The following GCSAM variants were observed in gnomAD, a reference collection of about 807,000 sequenced individuals.
GCSAM encodes the protein germinal center-associated signaling and motility protein.
A neutral mutation model predicts 17.6 loss-of-function variants in GCSAM; 8 were observed. That is an observed-to-expected ratio of 0.46 (90% CI 0.27 to 0.82). The LOEUF is 0.82. GCSAM is among the 40% of genes least tolerant of loss of function. GCSAM has a pLI of 0.15. For synonymous variants in GCSAM, 68 were observed against 69.0 expected (o/e 0.98, Z 0.07); for missense variants, 192 against 213.5 (o/e 0.90, Z 0.63).
intron 1 of GCSAM, 28 bp downstream of exon 1, chr3:112,133,064 T>G (rs768935212): frequency 3.7e-6 from 6 of 1,610,946 alleles, no homozygotes; most frequent in Non-Finnish European, 5.1e-6. Flanking sequence ...CCATCTCCTC[T>G]GCTCTCCCAC....
rs2074228074 is a variant in GCSAM at position 112,122,968 on chromosome 3, T to A, written c.*487A>T. On this transcript the variant is annotated 3_prime_UTR_variant, in exon 6 of 6. Coordinates refer to ENST00000308910, the MANE Select transcript of GCSAM (RefSeq NM_152785.5). ...AGGACACTATGTAAAAGACATGACT[T>A]AGACACATGGAGTGAGAGGAGCAAC... is the stretch of plus-strand genomic sequence containing the variant. The A allele has an allele frequency of 5.9e-6, 1 of 170,334 alleles. No homozygotes were observed. Among genetic ancestry groups the A allele is most frequent in the South Asian group, 1.5e-4 (1 of 6,778 alleles). 10.6% of individuals were successfully genotyped at this position (170,334 alleles called of 1,614,324 possible).
chr3:112,133,122 C>T lies in GCSAM; in HGVS notation c.-2G>A. ...TTCTCTCAGCAGAGAATTTCCCATC[C>T]TCTCAGTCCTCTCAGGGCTTCCCCT... On this transcript the variant is annotated 5_prime_UTR_variant, in exon 1 of 6. Coordinates refer to ENST00000308910, the MANE Select transcript of GCSAM (RefSeq NM_152785.5). The T allele has an allele frequency of 6.2e-7, 1 of 1,613,846 alleles. No individual in the cohort carries two copies. The highest frequency in any genetic ancestry group is 8.5e-7 in the Non-Finnish European group (1 of 1,179,692).
At chr3:112,123,874 A>G (rs1380770508) in intron 5 of GCSAM, 102 bp from the exon 6 acceptor site, 7 of 1,225,108 alleles carry the variant, frequency 5.7e-6, no homozygotes, top group Middle Eastern at 2.6e-4. Context: ...TCTGTCTTCT[A>G]TGACCACCTC....
rs189956318 is a variant in GCSAM, at chr3:112,131,887, G to A, written c.29+1205C>T. 2.4e-3 allele frequency among the ~76,000 whole-genome samples: 358 copies of A among 152,138 alleles called. 11 individuals carry two copies. The South Asian group carries it at 0.033, about 14-fold the overall frequency. On this transcript the variant is annotated intron_variant, in intron 1 of 5. Transcript: ENST00000308910. Reference sequence around the variant, plus strand: ...TAAAATAAATAAAAAACCATAAGAAGTCCAAATAGCATAAGATGTGTGCAC... The same window carrying A: ...TAAAATAAATAAAAAACCATAAGAAATCCAAATAGCATAAGATGTGTGCAC...
intron 1 of GCSAM, among the ~76,000 whole-genome samples, chr3:112,132,280 C>T (rs920463868): frequency 6.6e-6 from 1 of 152,048 alleles, no homozygotes; most frequent in East Asian, 1.9e-4. Flanking sequence ...GTGTTCCACT[C>T]TCCAGTAGCA....
At chr3:112,130,303 T>C in intron 2 of GCSAM, 142 bp downstream of exon 2, 1 of 722,338 alleles carries the variant, frequency 1.4e-6, no homozygotes. Context: ...TTATCTTTTG[T>C]CCTGTCTTCA....
rs1034211550 is a variant in GCSAM at position 112,123,145 on chromosome 3, G to C, written c.*310C>G. The C allele has an allele frequency of 2.8e-6, 1 of 356,352 alleles. No individual in the cohort carries two copies. Among genetic ancestry groups the C allele is most frequent in the African/African-American group, 2.1e-5 (1 of 48,292 alleles). 22.1% of individuals were successfully genotyped at this position (356,352 alleles called of 1,614,324 possible). A position where few individuals can be genotyped will look rare whatever the true frequency, so the allele number is the denominator to read the frequency against. Reference sequence around the variant, plus strand: ...TAAGAAGATCCCAGACAGAAGAGCAGAGCCCCTTGTGGTGTGCATAGCTTT... The same window carrying C: ...TAAGAAGATCCCAGACAGAAGAGCACAGCCCCTTGTGGTGTGCATAGCTTT... On this transcript the variant is annotated 3_prime_UTR_variant, in exon 6 of 6. Transcript: ENST00000308910.
rs938558414 is a variant in GCSAM, at chr3:112,122,635, C to T, written c.*820G>A. ...ATATTGCAGAGGGCTTTCTATTTAGCATACTGGGGGAGCACTAAATTGGAA... is the reference window on the plus strand; with the variant it reads ...ATATTGCAGAGGGCTTTCTATTTAGTATACTGGGGGAGCACTAAATTGGAA... On this transcript the variant is annotated 3_prime_UTR_variant, in exon 6 of 6. Coordinates refer to ENST00000308910, the MANE Select transcript of GCSAM (RefSeq NM_152785.5). The T allele has an allele frequency of 2.0e-5, 3 of 151,992 alleles. No homozygotes were observed. The highest frequency in any genetic ancestry group is 4.4e-5 in the Non-Finnish European group (3 of 68,004). 9.4% of individuals were successfully genotyped at this position (151,992 alleles called of 1,614,324 possible). A position where few individuals can be genotyped will look rare whatever the true frequency, so the allele number is the denominator to read the frequency against.
At position 112,123,351 on chromosome 3, in the gene GCSAM, G is replaced by C; in HGVS notation, c.*104C>G. On this transcript the variant is annotated 3_prime_UTR_variant, in exon 6 of 6. Transcript: ENST00000308910. ...GCTCTGCAGGGAAAGGGTTGTTGTG[G>C]GAGATAAGCTGGAGGGACTTTGTGT... The C allele has an allele frequency of 6.6e-7, 1 of 1,525,954 alleles. No homozygotes were observed. Among genetic ancestry groups the C allele is most frequent in the Non-Finnish European group, 8.8e-7 (1 of 1,140,328 alleles). The allele number at this position is 1,525,954 out of a possible 1,614,324, so 94.5% of individuals were successfully genotyped here.
chr3:112,128,183 C>T (rs745328826), intron 2 of GCSAM, 122 bp from the exon 3 acceptor site: 6 of 806,500 alleles, frequency 7.4e-6, no homozygotes, highest in South Asian at 5.7e-5. Context: ...GTGTTTCATT[C>T]TAGATAACTT....
In GCSAM at chr3:112,123,204, T is replaced by C. The variant is rs935792118; in HGVS notation, c.*251A>G. 1.7e-6 allele frequency: 1 copy of C among 595,722 alleles called. No homozygotes were observed. The highest frequency in any genetic ancestry group is 2.8e-6 in the Non-Finnish European group (1 of 355,420). The allele number at this position is 595,722 out of a possible 1,614,324, so 36.9% of individuals were successfully genotyped here. A position where few individuals can be genotyped will look rare whatever the true frequency, so the allele number is the denominator to read the frequency against. Reference sequence around the variant, plus strand: ...CAGGGAGCCCCTCCTACCACTATACTCTCCAAACCATGTAGAACCAAAGAT... The same window carrying C: ...CAGGGAGCCCCTCCTACCACTATACCCTCCAAACCATGTAGAACCAAAGAT... On this transcript the variant is annotated 3_prime_UTR_variant, in exon 6 of 6. Coordinates refer to ENST00000308910, the MANE Select transcript of GCSAM (RefSeq NM_152785.5).
rs942152589 is a variant in GCSAM, at chr3:112,130,519, A to G, written c.30-6T>C. 8.7e-6 allele frequency: 14 copies of G among 1,613,270 alleles called. No individual in the cohort carries two copies. Among genetic ancestry groups the G allele is most frequent in the South Asian group, 3.3e-5 (3 of 91,070 alleles). On this transcript the variant is annotated splice_polypyrimidine_tract_variant and splice_region_variant and intron_variant, in intron 1 of 5. Coordinates refer to ENST00000308910, the MANE Select transcript of GCSAM (RefSeq NM_152785.5). The stretch of plus-strand genomic sequence containing the variant: ...CTTGAGTGTTCTGCTGCCGCCTGAA[A>G]CTCAACATATCAGAAACAGGCTAAG...
chr3:112,127,981 T>A, intron 3 of GCSAM, 36 bp downstream of exon 3: 1 of 1,591,028 alleles, frequency 6.3e-7, no homozygotes, highest in African/African-American at 1.3e-5. Context: ...AAACCACACT[T>A]AGGGAAATAA....
rs139031212 is a variant in GCSAM at position 112,125,504 on chromosome 3, C to T, written c.191-250G>A. Among the ~76,000 whole-genome samples, 529 of 152,218 alleles carry T rather than the reference C, an allele frequency of 3.5e-3. 3 individuals carry two copies. The highest frequency in any genetic ancestry group is 0.031 in the Middle Eastern group (9 of 294). Reference sequence around the variant, plus strand: ...TGGTTAGTCTTTGGAAAGGAAATCACGATTTCTTCCTCCAGCTCTCTTTCC... The same window carrying T: ...TGGTTAGTCTTTGGAAAGGAAATCATGATTTCTTCCTCCAGCTCTCTTTCC... On this transcript the variant is annotated intron_variant, in intron 4 of 5. Transcript: ENST00000308910.
chr3:112,128,285 T>C (rs1398633839), intron 2 of GCSAM: 4 of 675,424 alleles, frequency 5.9e-6, no homozygotes, highest in Non-Finnish European at 1.1e-5. Context: ...TTCTGCTGTG[T>C]TCCCAGCAAA....
At chr3:112,125,573 G>C (rs1246268162) in intron 4 of GCSAM, among the ~76,000 whole-genome samples, 1 of 152,180 alleles carries the variant, frequency 6.6e-6, no homozygotes, top group South Asian at 2.1e-4. Flanking sequence ...AAATTGATTT[G>C]TGTTCCTTAC....
chr3:112,124,129 C>T (rs1315651463), intron 5 of GCSAM, among the ~76,000 whole-genome samples: 1 of 152,200 alleles, frequency 6.6e-6, no homozygotes, highest in Non-Finnish European at 1.5e-5. Flanking sequence ...GCAGATTTCT[C>T]ATGAATGGCT....
At position 112,124,474 on chromosome 3, in the gene GCSAM, T is replaced by G. The variant is rs568163006; in HGVS notation, c.220-702A>C. Among the ~76,000 whole-genome samples, 170 of 152,218 alleles carry G rather than the reference T, an allele frequency of 1.1e-3. 2 individuals carry two copies. The highest frequency in any genetic ancestry group is 2.0e-3 in the Non-Finnish European group (136 of 68,010). On this transcript the variant is annotated intron_variant, in intron 5 of 5. Transcript: ENST00000308910. ...AAATACAAAAATTAGCCAGGTGTGA[T>G]GGCACACACCTGCAATCCCAGCTAC...
At position 112,123,895 on chromosome 3, in the gene GCSAM, C is replaced by T. The variant is rs79980715; in HGVS notation, c.220-123G>A. 4.3e-3 allele frequency: 4,447 copies of T among 1,030,818 alleles called. 127 individuals carry two copies. The African/African-American group carries it at 0.063, about 15-fold the overall frequency. 63.9% of individuals were successfully genotyped at this position (1,030,818 alleles called of 1,614,324 possible). On this transcript the variant is annotated intron_variant, in intron 5 of 5. Transcript: ENST00000308910. The stretch of plus-strand genomic sequence containing the variant: ...TTCTATGACCACCTCCTCCCCATCT[C>T]TTGGCCATTTTTTTCTAAATGGCTG...
Sources: gnomAD v4.1 joint callset for allele counts (sites outside exome capture counted in the v4.1 genomes callset) on GRCh38, gnomAD v4.1.1 for gene constraint, MANE v1.5 for transcripts, NCBI Gene and HGNC (gene_info 2026-07-23, HGNC 2026-07-21) for gene names.